Variants in MCPH1 observed in about 807,000 individuals in gnomAD.
MCPH1 encodes the protein microcephalin.
Under a neutral mutation model 84.5 loss-of-function variants are expected in MCPH1, and 104 were observed. The observed-to-expected ratio is 1.23, with a 90% CI of 1.05 to 1.45. MCPH1 has a LOEUF of 1.45. Among genes scored for constraint, MCPH1 ranks in the 40% most tolerant of loss-of-function variants. The pLI, the probability that MCPH1 is intolerant of heterozygous loss-of-function variation, is 0.00. For synonymous variants in MCPH1, 514 were observed against 366.8 expected, an observed-to-expected ratio of 1.40 and a Z score of -4.58; for missense variants, 1,498 against 1,005.7, an observed-to-expected ratio of 1.49 and a Z score of -6.62.
intron 12 of MCPH1, among the ~76,000 whole-genome samples, chr8:6,539,132 C>A (rs1353027123): frequency 6.6e-6 from 1 of 152,190 alleles, no homozygotes; most frequent in Non-Finnish European, 1.5e-5. Context: ...GAGGGAAGGG[C>A]TGGGAGATGC....
chr8:6,445,139 A>T lies in MCPH1; in HGVS notation c.1417A>T (p.Ile473Phe). ...TGGCAAAAAAACCAGAACAGTTGAC[A>T]TTACCAATTTCACAGCAAAAACCAT... is the stretch of plus-strand genomic sequence containing the variant. ...CVGKKTRTVD[I>F]TNFTAKTISS... Residue 473 changes from isoleucine (I) to phenylalanine (F), a missense_variant, in exon 8 of 14, where the codon ATT (isoleucine) becomes TTT (phenylalanine). Transcript: ENST00000344683. The T allele has an allele frequency of 1.9e-6, 3 of 1,614,246 alleles. No homozygotes were observed. Among genetic ancestry groups the T allele is most frequent in the Non-Finnish European group, 2.5e-6 (3 of 1,180,042 alleles).
At chr8:6,576,057 A>G (rs1310347249) in intron 12 of MCPH1, among the ~76,000 whole-genome samples, 1 of 152,012 alleles carries the variant, frequency 6.6e-6, no homozygotes, top group Non-Finnish European at 1.5e-5. Flanking sequence ...TTAAAAAAAA[A>G]AAAAAAAAAA....
At position 6,611,748 on chromosome 8, in the gene MCPH1, A is replaced by G. The variant is rs899714756; in HGVS notation, c.2215-9706A>G. Among the ~76,000 whole-genome samples, 4 of 152,060 alleles carry G rather than the reference A, an allele frequency of 2.6e-5. No homozygotes were observed. In the East Asian group the frequency reaches 7.7e-4, roughly 29 times the overall value. ...ATTCTCCTGCCTCAGCCTCCCCAGT[A>G]GCTGGGACTACAGGCGTCCGCCACC... On this transcript the variant is annotated intron_variant, in intron 12 of 13. Transcript: ENST00000344683.
intron 13 of MCPH1, among the ~76,000 whole-genome samples, chr8:6,639,705 T>C (rs1586900497): frequency 1.3e-5 from 2 of 152,196 alleles, no homozygotes; most frequent in Admixed American, 6.5e-5. Context: ...AATAAATGTA[T>C]ATAAACACAG....
intron 3 of MCPH1, among the ~76,000 whole-genome samples, chr8:6,419,177 ACACACACACACG>A (rs59839965): frequency 0.15 from 16,514 of 107,296 alleles, 1,195 homozygotes; most frequent in Middle Eastern, 0.31. Flanking sequence ...ACACACACAC[ACACACACACACG>A]CATTTTTACC....
chr8:6,571,135 G>C (rs964655351), intron 12 of MCPH1, among the ~76,000 whole-genome samples: 1 of 152,076 alleles, frequency 6.6e-6, no homozygotes, highest in Non-Finnish European at 1.5e-5. Context: ...AATGCCAGAA[G>C]GTCAAGATAG....
At chr8:6,441,545 A>T (rs938897341) in intron 6 of MCPH1, among the ~76,000 whole-genome samples, 1 of 152,206 alleles carries the variant, frequency 6.6e-6, no homozygotes, top group Non-Finnish European at 1.5e-5. Flanking sequence ...TTGTTAAGTC[A>T]TTGACATCCT....
chr8:6,469,105 A>T (rs1438970403), intron 9 of MCPH1, among the ~76,000 whole-genome samples: 1 of 152,108 alleles, frequency 6.6e-6, no homozygotes, highest in East Asian at 1.9e-4. Context: ...GCTTGAGACC[A>T]GGAATTCGAG....
chr8:6,423,783 A>AAT (rs1800630125), intron 3 of MCPH1, among the ~76,000 whole-genome samples: 1 of 152,158 alleles, frequency 6.6e-6, no homozygotes, highest in Non-Finnish European at 1.5e-5. Context: ...TTCTGGAAGG[A>AAT]GTGTACTGGT....
At chr8:6,416,729 C>CA (rs1563174928) in intron 3 of MCPH1, among the ~76,000 whole-genome samples, 1 of 152,144 alleles carries the variant, frequency 6.6e-6, no homozygotes, top group African/African-American at 2.4e-5. Flanking sequence ...TGCGGTGGCT[C>CA]ACACCTGTAA....
chr8:6,568,355 C>G lies in MCPH1; in HGVS notation c.2215-53099C>G, dbSNP rs74948961. On this transcript the variant is annotated intron_variant, in intron 12 of 13. Coordinates refer to ENST00000344683, the MANE Select transcript of MCPH1 (RefSeq NM_024596.5). ...TGACAGTCAGACCATCCCAGGTTCC[C>G]CCAGAGCAATCCGTGCAGCTCTCAT... Among the ~76,000 whole-genome samples the G allele has an allele frequency of 6.1e-3, 925 of 152,242 alleles. 12 individuals carry two copies. The highest frequency in any genetic ancestry group is 0.05 in the East Asian group (261 of 5,170).
In MCPH1 at chr8:6,436,918, C is replaced by T. The variant is rs541873358; in HGVS notation, c.436+756C>T. ...CTGGGAGGCAGAGCTTGCAGTGAGC[C>T]GAGACTGCACCACTGCACTCCAGCC... On this transcript the variant is annotated intron_variant, in intron 5 of 13. Transcript: ENST00000344683. Among the ~76,000 whole-genome samples the T allele has an allele frequency of 2.9e-4, 44 of 151,728 alleles. No homozygotes were observed. The Middle Eastern group carries it at 0.01, about 35-fold the overall frequency.
At chr8:6,451,400 G>T (rs1207968569) in intron 8 of MCPH1, among the ~76,000 whole-genome samples, 1 of 152,214 alleles carries the variant, frequency 6.6e-6, no homozygotes, top group Admixed American at 6.5e-5. Context: ...TTGCTTTAAA[G>T]AACTTAGCTA....
At chr8:6,406,849 C>A (rs1797770497) in intron 1 of MCPH1, 160 bp downstream of exon 1, 2 of 39,736 alleles carry the variant, frequency 5.0e-5, no homozygotes, top group East Asian at 2.9e-4. Flanking sequence ...TCCCCCGCTG[C>A]CTGTCCCACC....
chr8:6,638,734 T>A (rs959998362), intron 13 of MCPH1, among the ~76,000 whole-genome samples: 1 of 152,192 alleles, frequency 6.6e-6, no homozygotes, highest in Non-Finnish European at 1.5e-5. Context: ...TGAGGATTAT[T>A]CCTATGAAGT....
rs2515597 is a variant in MCPH1 at position 6,500,118 on chromosome 8, T to C, written c.2214+189T>C. On this transcript the variant is annotated intron_variant, in intron 12 of 13. Coordinates refer to ENST00000344683, the MANE Select transcript of MCPH1 (RefSeq NM_024596.5). ...GAACAAATGTGAGAACGTGAGACCA[T>C]TGTGCAAAAAGTAGTGAGGAATGCA... 0.072 allele frequency: 43,428 copies of C among 602,304 alleles called. 1,809 individuals carry two copies. The highest frequency in any genetic ancestry group is 0.1 in the African/African-American group (5,462 of 54,036). 37.3% of individuals were successfully genotyped at this position (602,304 alleles called of 1,614,324 possible). A position where few individuals can be genotyped will look rare whatever the true frequency, so the allele number is the denominator to read the frequency against.
chr8:6,406,960 T>G, intron 1 of MCPH1: 2 of 463,126 alleles, frequency 4.3e-6, no homozygotes, highest in East Asian at 4.3e-5. Flanking sequence ...AACCCCCGAC[T>G]GCCTGCTTCC....
chr8:6,625,217 A>G (rs565737629), intron 13 of MCPH1: 1 of 985,416 alleles, frequency 1.0e-6, no homozygotes, highest in South Asian at 4.7e-5. Flanking sequence ...TTCATGTATA[A>G]AACAGAGTCA....
intron 11 of MCPH1, among the ~76,000 whole-genome samples, chr8:6,499,066 T>TAAAA (rs1811644385): frequency 1.4e-5 from 2 of 148,088 alleles, no homozygotes; most frequent in Admixed American, 1.4e-4. Flanking sequence ...AATAAATAAA[T>TAAAA]TAAATAAATA....
Sources: allele counts gnomAD v4.1 joint callset (sites outside exome capture counted in the v4.1 genomes callset), GRCh38; gene constraint gnomAD v4.1.1; transcripts MANE v1.5; gene names NCBI Gene and HGNC (gene_info 2026-07-23, HGNC 2026-07-21).